The following UNC5D variants were observed in gnomAD, a reference collection of about 807,000 sequenced individuals.
The protein encoded by UNC5D is unc-5 netrin receptor D.
Under a neutral mutation model 105.4 loss-of-function variants are expected in UNC5D, and 39 were observed. That is an observed-to-expected ratio of 0.37 (90% CI 0.29 to 0.48). The LOEUF (loss-of-function observed/expected upper bound fraction) is 0.48, where lower values mean the gene tolerates loss of function less well. Among genes scored for constraint, UNC5D ranks in the 20% least tolerant of loss-of-function variants. UNC5D has a pLI of 0.98. For synonymous variants in UNC5D, 452 were observed against 450.4 expected (o/e 1.00, Z -0.04); for missense variants, 991 against 1,202.4 (o/e 0.82, Z 2.60).
At chr8:35,416,958 G>T (rs1563397366) in intron 1 of UNC5D, among the ~76,000 whole-genome samples, 1 of 151,818 alleles carries the variant, frequency 6.6e-6, no homozygotes, top group Non-Finnish European at 1.5e-5. Context: ...TAATTGTTGT[G>T]GGTACATAGT....
chr8:35,738,788 T>C (rs1829603652), intron 11 of UNC5D, among the ~76,000 whole-genome samples: 1 of 152,186 alleles, frequency 6.6e-6, no homozygotes, highest in Non-Finnish European at 1.5e-5. Flanking sequence ...CTTAAACAAC[T>C]TTTCTCCCTG....
rs116004893 is a variant in UNC5D, at chr8:35,501,281, A to G, written c.104-48011A>G. Among the ~76,000 whole-genome samples, 628 of 152,340 alleles carry G rather than the reference A, an allele frequency of 4.1e-3. 8 individuals are homozygous for G. Among genetic ancestry groups the G allele is most frequent in the African/African-American group, 0.014 (592 of 41,586 alleles). ...GTCACTTCCAGGTGCTGCCTGACCA[A>G]GGTTGAAAGCAAAGAGTCCCCACCA... On this transcript the variant is annotated intron_variant, in intron 1 of 16. Transcript: ENST00000404895.
chr8:35,554,735 G>A lies in UNC5D; in HGVS notation c.322+5225G>A, dbSNP rs539205188. On this transcript the variant is annotated intron_variant, in intron 2 of 16. Transcript: ENST00000404895. Reference sequence around the variant, plus strand: ...AAAATAGGAATTCTCTTAACAACACGCCGTGGCTCTTATCTTATTCCACCT... The same window carrying A: ...AAAATAGGAATTCTCTTAACAACACACCGTGGCTCTTATCTTATTCCACCT... 5.7e-3 allele frequency among the ~76,000 whole-genome samples: 862 copies of A among 152,224 alleles called. 4 individuals are homozygous for A. Among genetic ancestry groups the A allele is most frequent in the Non-Finnish European group, 9.9e-3 (676 of 68,010 alleles).
At chr8:35,678,860 A>G (rs1272070875) in intron 4 of UNC5D, among the ~76,000 whole-genome samples, 1 of 151,688 alleles carries the variant, frequency 6.6e-6, no homozygotes, top group African/African-American at 2.4e-5. Flanking sequence ...TCTTCTATCA[A>G]AAATAGTTTA....
rs1243690503 is a variant in UNC5D, at chr8:35,774,293, T to C, written c.2479-6T>C. On this transcript the variant is annotated splice_region_variant and splice_polypyrimidine_tract_variant and intron_variant, in intron 15 of 16. Coordinates refer to ENST00000404895, the MANE Select transcript of UNC5D (RefSeq NM_080872.4). ...TCTGATCATGCGTTCCTTATTTTGT[T>C]TATAGAGTGAACGAGAAACCATCAC... The C allele has an allele frequency of 1.2e-6, 2 of 1,613,862 alleles. No individual in the cohort carries two copies. The highest frequency in any genetic ancestry group is 1.3e-5 in the African/African-American group (1 of 74,900).
chr8:35,290,948 CAAA>C (rs60364288), intron 1 of UNC5D, among the ~76,000 whole-genome samples: 3 of 60,092 alleles, frequency 5.0e-5, no homozygotes, highest in Non-Finnish European at 7.1e-5. Flanking sequence ...GACTCCATCT[CAAA>C]AAAAAAAAAA....
chr8:35,429,247 GTGT>G (rs1418943365), intron 1 of UNC5D, among the ~76,000 whole-genome samples: 4 of 152,122 alleles, frequency 2.6e-5, no homozygotes, highest in African/African-American at 7.2e-5. Flanking sequence ...AGGTCAGGAA[GTGT>G]TGTGCTAGAG....
intron 11 of UNC5D, among the ~76,000 whole-genome samples, chr8:35,737,206 G>A (rs902109665): frequency 5.3e-5 from 8 of 151,594 alleles, no homozygotes; most frequent in Admixed American, 1.3e-4. Flanking sequence ...TGCTGTCAGC[G>A]GGGAGTTTTG....
chr8:35,788,450 T>G (rs548374192), intron 16 of UNC5D, among the ~76,000 whole-genome samples: 25 of 152,310 alleles, frequency 1.6e-4, no homozygotes, highest in African/African-American at 5.3e-4. Context: ...AACAGTGACC[T>G]GTAATCTTTT....
intron 1 of UNC5D, among the ~76,000 whole-genome samples, chr8:35,265,619 C>T (rs1231928271): frequency 6.6e-6 from 1 of 152,026 alleles, no homozygotes; most frequent in Non-Finnish European, 1.5e-5. Context: ...GCCTGTAATC[C>T]CAGCACTTTG....
At chr8:35,593,597 G>GA (rs1819310969) in intron 3 of UNC5D, among the ~76,000 whole-genome samples, 1 of 152,056 alleles carries the variant, frequency 6.6e-6, no homozygotes. Flanking sequence ...CATTTCTACA[G>GA]AAAATTTTTT....
chr8:35,648,803 C>T (rs945052306), intron 4 of UNC5D, among the ~76,000 whole-genome samples: 1 of 151,562 alleles, frequency 6.6e-6, no homozygotes, highest in African/African-American at 2.4e-5. Flanking sequence ...AGTTGGGGTT[C>T]TGATAATGCA....
intron 2 of UNC5D, among the ~76,000 whole-genome samples, chr8:35,555,786 A>G (rs1291124705): frequency 6.6e-6 from 1 of 151,484 alleles, no homozygotes; most frequent in Non-Finnish European, 1.5e-5. Context: ...AGATCGCACC[A>G]CTGTACTCCA....
chr8:35,475,014 T>C (rs1292987327), intron 1 of UNC5D, among the ~76,000 whole-genome samples: 1 of 152,150 alleles, frequency 6.6e-6, no homozygotes, highest in Non-Finnish European at 1.5e-5. Context: ...TGGGGGTTGA[T>C]TTCAGTGGTT....
rs1811678404 is a variant in UNC5D at position 35,344,669 on chromosome 8, C to G, written c.103+108782C>G. 2.6e-5 allele frequency among the ~76,000 whole-genome samples: 4 copies of G among 152,092 alleles called. No homozygotes were observed. In the South Asian group the frequency reaches 8.3e-4, roughly 32 times the overall value. ...CCATTTACAATTTCATCTCCAACTA[C>G]TACAGTCTCGTAAAGAGGTTTACTA... On this transcript the variant is annotated intron_variant, in intron 1 of 16. Transcript: ENST00000404895.
intron 1 of UNC5D, among the ~76,000 whole-genome samples, chr8:35,370,275 T>C (rs1008004479): frequency 1.3e-5 from 2 of 152,212 alleles, no homozygotes; most frequent in Non-Finnish European, 2.9e-5. Flanking sequence ...TGCTCTGCCG[T>C]GGCATATGGC....
intron 4 of UNC5D, among the ~76,000 whole-genome samples, chr8:35,605,877 C>T (rs117124535): frequency 0.014 from 2,170 of 152,168 alleles, 22 homozygotes; most frequent in South Asian, 0.034. Flanking sequence ...AGTGTTGCCA[C>T]GCTTTTAAAT....
At chr8:35,713,877 G>A (rs1026533123) in intron 8 of UNC5D, among the ~76,000 whole-genome samples, 3 of 152,204 alleles carry the variant, frequency 2.0e-5, no homozygotes, top group Non-Finnish European at 4.4e-5. Flanking sequence ...ACCTAGATGA[G>A]AAGTGGGTAA....
At chr8:35,366,354 A>C (rs1372991678) in intron 1 of UNC5D, among the ~76,000 whole-genome samples, 1 of 151,966 alleles carries the variant, frequency 6.6e-6, no homozygotes, top group Non-Finnish European at 1.5e-5. Flanking sequence ...TGCACTTTAC[A>C]TGGACACCTG....
Sources: gnomAD v4.1 joint callset for allele counts (sites outside exome capture counted in the v4.1 genomes callset) on GRCh38, gnomAD v4.1.1 for gene constraint, MANE v1.5 for transcripts, NCBI Gene and HGNC (gene_info 2026-07-23, HGNC 2026-07-21) for gene names.